Variants in DDX39B observed in about 807,000 individuals in gnomAD.
The protein encoded by DDX39B is spliceosome RNA helicase DDX39B.
DDX39B carries 6 observed loss-of-function variants against 46.4 expected under a neutral mutation model. That is an observed-to-expected ratio of 0.13 (90% CI 0.07 to 0.26). DDX39B has a LOEUF of 0.26. DDX39B is among the 10% of genes least tolerant of loss of function. The pLI, the probability that DDX39B is intolerant of heterozygous loss-of-function variation, is 1.00. For synonymous variants in DDX39B, 174 were observed against 199.4 expected (o/e 0.87, Z 1.07); for missense variants, 185 against 553.4 (o/e 0.33, Z 6.68).
chr6:31,536,814 C>T, intron 4 of DDX39B, 131 bp from the exon 5 acceptor site: 1 of 1,158,932 alleles, frequency 8.6e-7, no homozygotes, highest in Non-Finnish European at 1.2e-6. Context: ...TAGAGGGCAC[C>T]TAATTTAAAA....
rs1768206250 is a variant in DDX39B at position 31,539,874 on chromosome 6, A to AT, written c.211+447dup. Among the ~76,000 whole-genome samples the AT allele has an allele frequency of 3.9e-5, 6 of 152,270 alleles. No homozygotes were observed. In the South Asian group the frequency reaches 1.2e-3, roughly 31 times the overall value. The stretch of plus-strand genomic sequence containing the variant: ...CAAGAAAAGCCAGTCACAAGAATGA[A>AT]TGGCAGACCTGGAAGTCACTTTTGG... On this transcript the variant is annotated intron_variant, in intron 2 of 10. Coordinates refer to ENST00000396172, the MANE Select transcript of DDX39B (RefSeq NM_004640.7).
chr6:31,538,747 C>G lies in DDX39B; in HGVS notation c.432+16G>C. 6.2e-7 allele frequency: 1 copy of G among 1,607,920 alleles called. No individual in the cohort carries two copies. Among genetic ancestry groups the G allele is most frequent in the Non-Finnish European group, 8.5e-7 (1 of 1,177,226 alleles). On this transcript the variant is annotated intron_variant, in intron 4 of 10. Transcript: ENST00000396172. ...TTGCCACACCCTCACTCTCAGGTCT[C>G]TTTACCTTGGCTTACCTTGACATTG...
rs548116487 is a variant in DDX39B at position 31,530,516 on chromosome 6, G to A, written c.1271-66C>T. On this transcript the variant is annotated intron_variant, in intron 10 of 10. Coordinates refer to ENST00000396172, the MANE Select transcript of DDX39B (RefSeq NM_004640.7). The surrounding 1 kb of genome is among the most constrained non-coding windows in gnomAD (Gnocchi z 4.5). ...AGGGGAAAGTGAGGCAGGAACACAC[G>A]GCACACATGCAGACACTGGTGTACT... 2.4e-5 allele frequency: 39 copies of A among 1,604,234 alleles called. No homozygotes were observed. The highest frequency in any genetic ancestry group is 1.7e-4 in the Middle Eastern group (1 of 6,030).
chr6:31,536,810 G>T (rs3130057), intron 4 of DDX39B, 127 bp from the exon 5 acceptor site: 983,875 of 1,187,230 alleles, frequency 0.83, 409,761 homozygotes, highest in South Asian at 0.93. Flanking sequence ...ACTTTAGAGG[G>T]CACCTAATTT....
At chr6:31,532,593 G>A (rs139534511) in intron 7 of DDX39B, 187 bp downstream of exon 7, 10,484 of 664,196 alleles carry the variant, frequency 0.016, 294 homozygotes, top group Middle Eastern at 0.035. Context: ...GGACATACCC[G>A]TGCCAGCCAT....
intron 3 of DDX39B, 89 bp downstream of exon 3, chr6:31,539,058 C>A (rs1768107668): frequency 1.2e-6 from 2 of 1,607,932 alleles, no homozygotes; most frequent in Non-Finnish European, 8.5e-7. Context: ...GTGCTCATGG[C>A]TCTGCAAGCA....
At chr6:31,540,876 C>A in intron 1 of DDX39B, 1 of 423,734 alleles carries the variant, frequency 2.4e-6, no homozygotes. Context: ...ACAAGATTAG[C>A]AATCACAGTA....
At position 31,534,635 on chromosome 6, in the gene DDX39B, G is replaced by A. The variant is rs1767576903; in HGVS notation, c.735+732C>T. On this transcript the variant is annotated intron_variant, in intron 6 of 10. Transcript: ENST00000396172. This position sits in a 1 kb window ranked among gnomAD's most constrained non-coding sequence, Gnocchi z 5.1. ...GCGTTGGGTTCAGGAAAAAAACCGG[G>A]AACGGAAAAAGAGGCTGGTTTGGTC... 2.7e-6 allele frequency: 1 copy of A among 367,178 alleles called. No homozygotes were observed. Among genetic ancestry groups the A allele is most frequent in the Non-Finnish European group, 5.4e-6 (1 of 184,708 alleles). 22.7% of individuals were successfully genotyped at this position (367,178 alleles called of 1,614,324 possible).
chr6:31,538,208 T>C (rs1768002390), intron 4 of DDX39B, among the ~76,000 whole-genome samples: 1 of 151,836 alleles, frequency 6.6e-6, no homozygotes, highest in Admixed American at 6.6e-5. Context: ...CAGGCTGGAG[T>C]GTAATGGCAC....
At chr6:31,536,811 C>T in intron 4 of DDX39B, 128 bp from the exon 5 acceptor site, 1 of 1,168,694 alleles carries the variant, frequency 8.6e-7, no homozygotes, top group South Asian at 1.6e-5. Flanking sequence ...CTTTAGAGGG[C>T]ACCTAATTTA....
rs986150393 is a variant in DDX39B, at chr6:31,541,958, G to A, written c.-141C>T. ...CGAAGGCCAAAGCTTACCTAAACAG[G>A]GAGAGCGCGTATGGCGGCAGCAACA... On this transcript the variant is annotated 5_prime_UTR_variant, in exon 1 of 11. Coordinates refer to ENST00000396172, the MANE Select transcript of DDX39B (RefSeq NM_004640.7). 7 of 671,468 alleles carry A rather than the reference G, an allele frequency of 1.0e-5. No individual in the cohort carries two copies. Among genetic ancestry groups the A allele is most frequent in the Admixed American group, 2.1e-5 (1 of 48,232 alleles). The allele number at this position is 671,468 out of a possible 1,614,324, so 41.6% of individuals were successfully genotyped here. A position where few individuals can be genotyped will look rare whatever the true frequency, so the allele number is the denominator to read the frequency against.
In DDX39B at chr6:31,535,244, T is replaced by C; in HGVS notation, c.735+123A>G. On this transcript the variant is annotated intron_variant, in intron 6 of 10. Transcript: ENST00000396172. This position sits in a 1 kb window ranked among gnomAD's most constrained non-coding sequence, Gnocchi z 4.6. ...GTATGTCTCTTCAAGGAGTCATTACTCCCAGTTGGGCACAAGCCGCCTTCT... is the reference window on the plus strand; with the variant it reads ...GTATGTCTCTTCAAGGAGTCATTACCCCCAGTTGGGCACAAGCCGCCTTCT... 6.8e-6 allele frequency: 6 copies of C among 886,740 alleles called. No homozygotes were observed. Among genetic ancestry groups the C allele is most frequent in the Non-Finnish European group, 1.1e-5 (6 of 532,078 alleles). 54.9% of individuals were successfully genotyped at this position (886,740 alleles called of 1,614,324 possible). A position where few individuals can be genotyped will look rare whatever the true frequency, so the allele number is the denominator to read the frequency against.
chr6:31,532,728 G>A, intron 7 of DDX39B, 52 bp downstream of exon 7: 1 of 1,594,074 alleles, frequency 6.3e-7, no homozygotes, highest in Non-Finnish European at 8.6e-7. Flanking sequence ...CCAGGTTTCT[G>A]CTACAGCTGG....
chr6:31,530,378 A>G lies in DDX39B; in HGVS notation c.*56T>C. ...GGGCAGTAGTGTCTCCTTCACCCCC[A>G]CCCTGGTGTCCTCTCCTGAAGGACA... On this transcript the variant is annotated 3_prime_UTR_variant, in exon 11 of 11. Coordinates refer to ENST00000396172, the MANE Select transcript of DDX39B (RefSeq NM_004640.7). The surrounding 1 kb of genome is among the most constrained non-coding windows in gnomAD (Gnocchi z 4.5). The G allele has an allele frequency of 6.2e-7, 1 of 1,608,948 alleles. No individual in the cohort carries two copies. The highest frequency in any genetic ancestry group is 8.5e-7 in the Non-Finnish European group (1 of 1,177,560).
intron 6 of DDX39B, chr6:31,533,519 A>T (rs1395723655): frequency 6.4e-6 from 1 of 155,154 alleles, no homozygotes; most frequent in Non-Finnish European, 1.4e-5. Context: ...CCGTCAGACC[A>T]CAACAGGATA....
chr6:31,540,134 G>T (rs1768243259), intron 2 of DDX39B, among the ~76,000 whole-genome samples, 188 bp downstream of exon 2: 2 of 152,098 alleles, frequency 1.3e-5, no homozygotes, highest in Non-Finnish European at 2.9e-5. Flanking sequence ...TTGCACTTTT[G>T]AGCTCAAGTG....
At chr6:31,541,404 C>G (rs1012638646) in intron 1 of DDX39B, 6 of 371,152 alleles carry the variant, frequency 1.6e-5, no homozygotes, top group African/African-American at 1.3e-4. Context: ...ACCAAGTGGT[C>G]TCACATCACT....
rs1477571381 is a variant in DDX39B, at chr6:31,535,786, C to T, written c.617-301G>A. Among the ~76,000 whole-genome samples the T allele has an allele frequency of 1.3e-5, 2 of 152,138 alleles. No homozygotes were observed. The highest frequency in any genetic ancestry group is 2.9e-5 in the Non-Finnish European group (2 of 68,018). On this transcript the variant is annotated intron_variant, in intron 5 of 10. Transcript: ENST00000396172. The surrounding 1 kb of genome is among the most constrained non-coding windows in gnomAD (Gnocchi z 4.6). Reference sequence around the variant, plus strand: ...TCTCCCAACCCTTTCCTGCCCAAGCCCCAGCCAGCCTTCAGCAGACTACAA... The same window carrying T: ...TCTCCCAACCCTTTCCTGCCCAAGCTCCAGCCAGCCTTCAGCAGACTACAA...
Position 31,535,473 on chromosome 6 carries a change from T to C in DDX39B, c.629A>G (p.Asp210Gly). 6.2e-7 allele frequency: 1 copy of C among 1,611,920 alleles called. No homozygotes were observed. The highest frequency in any genetic ancestry group is 8.5e-7 in the Non-Finnish European group (1 of 1,179,272). ...GGTCATGCGAAAAATTTCCTGGACA[T>C]CCCGACGCATGTCTACAAGAACAAG... ...KMLEQLDMRR[D>G]VQEIFRMTPH... Residue 210 changes from aspartate to glycine, a missense_variant, in exon 6 of 11, where the codon GAT becomes GGT. Around this residue, in one of 5 missense-constraint regions of DDX39B, gnomAD observed 110 missense variants for 282.2 expected, o/e 0.39. Transcript: ENST00000396172. This position sits in a 1 kb window ranked among gnomAD's most constrained non-coding sequence, Gnocchi z 4.6.
Sources: gnomAD v4.1 joint callset for allele counts (sites outside exome capture counted in the v4.1 genomes callset) on GRCh38, gnomAD v4.1.1 for gene constraint, gnomAD v4.1.1 regional missense constraint, Gnocchi (gnomAD v3.1) non-coding constraint, MANE v1.5 for transcripts, NCBI Gene and HGNC (gene_info 2026-07-23, HGNC 2026-07-21) for gene names.